The following HTR4 variants were observed in gnomAD, a reference collection of about 807,000 sequenced individuals.
HTR4 encodes the protein 5-hydroxytryptamine receptor 4.
A neutral mutation model predicts 36.8 loss-of-function variants in HTR4; 16 were observed. That is an observed-to-expected ratio of 0.43 (90% CI 0.29 to 0.66). HTR4 has a LOEUF of 0.66. Ranked by LOEUF, HTR4 falls within the 30% of genes least tolerant of loss-of-function variation. HTR4 has a pLI of 0.13. For missense variants in HTR4, 438 were observed against 490.9 expected, an observed-to-expected ratio of 0.89 and a Z score of 1.02; for synonymous variants, 189 against 185.1, an observed-to-expected ratio of 1.02 and a Z score of -0.17.
intron 4 of HTR4, among the ~76,000 whole-genome samples, chr5:148,536,478 T>G (rs1197800965): frequency 6.6e-6 from 1 of 151,006 alleles, no homozygotes; most frequent in Non-Finnish European, 1.5e-5. Context: ...CCCAATGGTA[T>G]GCTGTCTTAA....
chr5:148,634,010 G>C (rs1753433874), intron 2 of HTR4, among the ~76,000 whole-genome samples: 1 of 152,156 alleles, frequency 6.6e-6, no homozygotes, highest in Non-Finnish European at 1.5e-5. Context: ...CAAGGACCAA[G>C]CTGAATTAGA....
chr5:148,565,478 C>A (rs766837259), intron 2 of HTR4, among the ~76,000 whole-genome samples: 1 of 152,058 alleles, frequency 6.6e-6, no homozygotes, highest in Non-Finnish European at 1.5e-5. Context: ...GGTGCTGAAA[C>A]TCATAGGAGT....
At chr5:148,465,361 C>T (rs994433355) in intron 5 of HTR4, among the ~76,000 whole-genome samples, 5 of 152,098 alleles carry the variant, frequency 3.3e-5, no homozygotes, top group Non-Finnish European at 7.4e-5. Context: ...CTGTACCTTC[C>T]CCTCAGTTAT....
chr5:148,466,691 C>A (rs1755439789), intron 5 of HTR4, among the ~76,000 whole-genome samples: 1 of 152,196 alleles, frequency 6.6e-6, no homozygotes, highest in African/African-American at 2.4e-5. Flanking sequence ...CAGAGTGTTA[C>A]AGTGAATAGC....
chr5:148,529,460 G>C lies in HTR4; in HGVS notation c.354-6114C>G, dbSNP rs1758446896. On this transcript the variant is annotated intron_variant, in intron 4 of 6. Transcript: ENST00000377888. ...TGGTTTTATAAAGGGGAATTTCCCT[G>C]CACAATCTCTCTTCTCTAGTCTGCT... Among the ~76,000 whole-genome samples, 5 of 152,294 alleles carry C rather than the reference G, an allele frequency of 3.3e-5. No individual in the cohort carries two copies. The South Asian group carries it at 1.0e-3, about 32-fold the overall frequency.
intron 6 of HTR4, among the ~76,000 whole-genome samples, chr5:148,504,417 C>T (rs1477278543): frequency 1.3e-5 from 2 of 152,156 alleles, no homozygotes; most frequent in Non-Finnish European, 2.9e-5. Flanking sequence ...GAAATGAAGG[C>T]AGAAATAAAG....
At chr5:148,530,086 A>G (rs1758481680) in intron 4 of HTR4, among the ~76,000 whole-genome samples, 3 of 152,328 alleles carry the variant, frequency 2.0e-5, no homozygotes, top group Admixed American at 1.3e-4. Flanking sequence ...TGTTAAAAGC[A>G]TTTAGTTTTA....
chr5:148,491,002 C>T (rs930067559), intron 6 of HTR4, among the ~76,000 whole-genome samples: 4 of 152,132 alleles, frequency 2.6e-5, no homozygotes, highest in Admixed American at 6.5e-5. Flanking sequence ...TGTCAATTCC[C>T]GGTATAAGAT....
intron 5 of HTR4, among the ~76,000 whole-genome samples, chr5:148,517,504 A>G (rs987002811): frequency 3.3e-5 from 5 of 152,080 alleles, no homozygotes; most frequent in African/African-American, 9.6e-5. Context: ...GACTCTCCAC[A>G]CCCTATAAAC....
At chr5:148,464,613 G>A (rs1050367120) in intron 5 of HTR4, among the ~76,000 whole-genome samples, 40 of 152,168 alleles carry the variant, frequency 2.6e-4, no homozygotes, top group African/African-American at 9.4e-4. Flanking sequence ...AGGAGCAACA[G>A]TAATTCATAC....
At chr5:148,603,843 T>G (rs2127271696) in intron 2 of HTR4, among the ~76,000 whole-genome samples, 1 of 152,138 alleles carries the variant, frequency 6.6e-6, no homozygotes, top group Non-Finnish European at 1.5e-5. Flanking sequence ...AAGAGTTGAC[T>G]AACAAACCAA....
intron 4 of HTR4, among the ~76,000 whole-genome samples, chr5:148,529,222 C>T (rs1758435174): frequency 6.6e-6 from 1 of 152,094 alleles, no homozygotes; most frequent in African/African-American, 2.4e-5. Flanking sequence ...CATGAACATA[C>T]TGAATCTCAG....
chr5:148,636,051 C>T (rs1264952740), intron 2 of HTR4, among the ~76,000 whole-genome samples: 5 of 152,080 alleles, frequency 3.3e-5, no homozygotes, highest in Non-Finnish European at 7.4e-5. Context: ...CACCATGTAC[C>T]AGGGATTTTG....
chr5:148,632,623 C>T (rs1753363914), intron 2 of HTR4, among the ~76,000 whole-genome samples: 1 of 152,162 alleles, frequency 6.6e-6, no homozygotes, highest in Admixed American at 6.6e-5. Context: ...AGTTTATATA[C>T]AAATGGACTT....
chr5:148,570,933 T>C (rs1247893958), intron 2 of HTR4, among the ~76,000 whole-genome samples: 1 of 151,982 alleles, frequency 6.6e-6, no homozygotes, highest in Non-Finnish European at 1.5e-5. Context: ...TAGAACCTAG[T>C]TATTGGTGGA....
At chr5:148,490,102 C>A (rs1756345340) in intron 6 of HTR4, among the ~76,000 whole-genome samples, 1 of 150,472 alleles carries the variant, frequency 6.6e-6, no homozygotes, top group Non-Finnish European at 1.5e-5. Flanking sequence ...CTAGAACTCA[C>A]CCTTTTGGAA....
At chr5:148,492,051 C>A (rs1157161644) in intron 6 of HTR4, among the ~76,000 whole-genome samples, 2 of 152,174 alleles carry the variant, frequency 1.3e-5, no homozygotes, top group Non-Finnish European at 2.9e-5. Flanking sequence ...CTATCTTTGA[C>A]CTCAAATAAA....
At chr5:148,481,396 C>A, downstream of HTR4, 1 of 641,934 alleles carries the variant, frequency 1.6e-6, no homozygotes, top group Non-Finnish European at 2.7e-6. Flanking sequence ...GGGAGAATCC[C>A]AGTCTACACA....
chr5:148,534,596 T>C (rs373594696), intron 4 of HTR4, among the ~76,000 whole-genome samples: 1 of 152,108 alleles, frequency 6.6e-6, no homozygotes, highest in Non-Finnish European at 1.5e-5. Flanking sequence ...CTTGGACTAA[T>C]GAAGGAGTAA....
Sources: gnomAD v4.1 joint callset for allele counts (sites outside exome capture counted in the v4.1 genomes callset) on GRCh38, gnomAD v4.1.1 for gene constraint, MANE v1.5 for transcripts, NCBI Gene and HGNC (gene_info 2026-07-23, HGNC 2026-07-21) for gene names.